HSD3B1: variants seen among roughly 807,000 people sequenced by gnomAD.
HSD3B1 encodes the protein hydroxy-delta-5-steroid dehydrogenase, 3 beta- and steroid delta-isomerase 1.
A neutral mutation model predicts 10.4 loss-of-function variants in HSD3B1; 11 were observed. The observed-to-expected ratio is 1.05, with a 90% CI of 0.66 to 1.75. HSD3B1 has a LOEUF of 1.75. Ranked by LOEUF, HSD3B1 falls within the 40% of genes most tolerant of loss-of-function variation. The pLI is 0.00. For missense variants in HSD3B1, 490 were observed against 454.5 expected (o/e 1.08, Z -0.71); for synonymous variants, 217 against 185.4 (o/e 1.17, Z -1.39).
chr1:119,511,677 G>A lies in HSD3B1; in HGVS notation c.310+10G>A. On this transcript the variant is annotated intron_variant, in intron 3 of 3. Coordinates refer to ENST00000369413, the MANE Select transcript of HSD3B1 (RefSeq NM_000862.3). ...AATGTCAATGTGAAAGGTATGGTAG[G>A]CTGGGGAGGAGATGCAGCAAGGTGG... 6.2e-7 allele frequency: 1 copy of A among 1,604,680 alleles called. No individual in the cohort carries two copies. Among genetic ancestry groups the A allele is most frequent in the Non-Finnish European group, 8.5e-7 (1 of 1,176,616 alleles).
chr1:119,512,852 A>C (rs1244627248), intron 3 of HSD3B1, among the ~76,000 whole-genome samples: 1 of 152,224 alleles, frequency 6.6e-6, no homozygotes, highest in Non-Finnish European at 1.5e-5. Context: ...ATTTTTGAAC[A>C]CATGAGGCTG....
In HSD3B1 at chr1:119,511,659, A is replaced by G. The variant is rs1384651318; in HGVS notation, c.302A>G (p.Asn101Ser). The G allele has an allele frequency of 1.4e-5, 22 of 1,613,616 alleles. No individual in the cohort carries two copies. The highest frequency in any genetic ancestry group is 5.5e-5 in the South Asian group (5 of 91,056). ...VTHRESIMNV[N>S]VKGTQLLLEA... Reference sequence around the variant, plus strand: ...CACAGAGAGTCTATCATGAATGTCAATGTGAAAGGTATGGTAGGCTGGGGA... The same window carrying G: ...CACAGAGAGTCTATCATGAATGTCAGTGTGAAAGGTATGGTAGGCTGGGGA... Residue 101 changes from asparagine (N) to serine (S), a missense_variant, in exon 3 of 4, where the codon AAT becomes AGT. Transcript: ENST00000369413.
At position 119,507,224 on chromosome 1, in the gene HSD3B1, G is replaced by A. The variant is rs1444223927; in HGVS notation, c.-124G>A. Reference sequence around the variant, plus strand: ...CCACAGGAAATGAGGTGAGAAGTACGTCCACTCTTCTGTCCAGCTTTTAAC... The same window carrying A: ...CCACAGGAAATGAGGTGAGAAGTACATCCACTCTTCTGTCCAGCTTTTAAC... On this transcript the variant is annotated 5_prime_UTR_variant, in exon 1 of 4. Transcript: ENST00000369413. The A allele has an allele frequency of 2.4e-5, 11 of 461,090 alleles. No individual in the cohort carries two copies. The highest frequency in any genetic ancestry group is 4.3e-5 in the East Asian group (1 of 23,388). The allele number at this position is 461,090 out of a possible 1,614,324, so 28.6% of individuals were successfully genotyped here.
At chr1:119,508,453 G>A (rs1653850154) in intron 2 of HSD3B1, among the ~76,000 whole-genome samples, 1 of 151,906 alleles carries the variant, frequency 6.6e-6, no homozygotes. Context: ...GCAACTCCTT[G>A]TACAAATGGC....
intron 3 of HSD3B1, 188 bp downstream of exon 3, chr1:119,511,855 G>A (rs1411792892): frequency 1.0e-5 from 6 of 595,912 alleles, no homozygotes; most frequent in Non-Finnish European, 1.8e-5. Context: ...AACTAGGACT[G>A]AGAGAGGGCA....
At chr1:119,512,581 G>C (rs199847325) in intron 3 of HSD3B1, among the ~76,000 whole-genome samples, 1 of 146,598 alleles carries the variant, frequency 6.8e-6, no homozygotes, top group Non-Finnish European at 1.5e-5. Flanking sequence ...CACCATAAAA[G>C]AAAAAAAAAA....
chr1:119,507,603 T>A lies in HSD3B1; in HGVS notation c.127T>A (p.Leu43Met). The A allele has an allele frequency of 6.2e-7, 1 of 1,613,858 alleles. No individual in the cohort carries two copies. Among genetic ancestry groups the A allele is most frequent in the Non-Finnish European group, 8.5e-7 (1 of 1,179,868 alleles). The change falls in exon 2 of 4, where the codon TTG (leucine) becomes ATG (methionine). Residue 43 changes from leucine (L) to methionine (M), a missense_variant. Physicochemically the swap from Leu to Met is conservative, Grantham distance 15. Coordinates refer to ENST00000369413, the MANE Select transcript of HSD3B1 (RefSeq NM_000862.3). ...RVLDKAFGPE[L>M]REEFSKLQNK... ...CTTGGACAAGGCCTTCGGACCAGAA[T>A]TGAGAGAGGAATTTTCTAGTAAGTA... is the stretch of plus-strand genomic sequence containing the variant.
rs1653936866 is a variant in HSD3B1, at chr1:119,511,541, G to C, written c.184G>C (p.Asp62His). 1 of 1,613,804 alleles carries C rather than the reference G, an allele frequency of 6.2e-7. No homozygotes were observed. Among genetic ancestry groups the C allele is most frequent in the Non-Finnish European group, 8.5e-7 (1 of 1,179,802 alleles). Residue 62 changes from aspartate to histidine, a missense_variant, in exon 3 of 4, where the codon GAC becomes CAC. Coordinates refer to ENST00000369413, the MANE Select transcript of HSD3B1 (RefSeq NM_000862.3). ...NKTKLTVLEG[D>H]ILDEPFLKRA... ...GACCAAGCTGACAGTGCTGGAAGGAGACATTCTGGATGAGCCATTCCTGAA... is the reference window on the plus strand; with the variant it reads ...GACCAAGCTGACAGTGCTGGAAGGACACATTCTGGATGAGCCATTCCTGAA...
Position 119,514,659 on chromosome 1 carries a change from G to T in HSD3B1, c.*14G>T, listed in dbSNP as rs749891286. On this transcript the variant is annotated 3_prime_UTR_variant, in exon 4 of 4. Transcript: ENST00000369413. ...AAGACTCAGTGATTTAAGGATGACA[G>T]AGATGTGCATGTGGGTATTGTTAGG... The T allele has an allele frequency of 6.2e-7, 1 of 1,612,676 alleles. No homozygotes were observed. The highest frequency in any genetic ancestry group is 8.5e-7 in the Non-Finnish European group (1 of 1,179,330).
chr1:119,514,371 G>A lies in HSD3B1; in HGVS notation c.848G>A (p.Arg283Lys), dbSNP rs896398008. 1.9e-6 allele frequency: 3 copies of A among 1,614,054 alleles called. No individual in the cohort carries two copies. In the African/African-American group the frequency reaches 4.0e-5, roughly 22 times the overall value. Residue 283 changes from arginine (R) to lysine (K), a missense_variant, in exon 4 of 4, where the codon AGA (arginine) becomes AAA (lysine). Coordinates refer to ENST00000369413, the MANE Select transcript of HSD3B1 (RefSeq NM_000862.3). ...GAGTTCGGCCTCCGCCTTGATTCCA[G>A]ATGGAGCTTTCCTTTATCCCTGATG... ...SKEFGLRLDSRWSFPLSLMYW... is the reference protein window; with the variant it reads ...SKEFGLRLDSKWSFPLSLMYW...
In HSD3B1 at chr1:119,510,676, C is replaced by A. The variant is rs140249522; in HGVS notation, c.146-827C>A. Among the ~76,000 whole-genome samples, 126 of 143,232 alleles carry A rather than the reference C, an allele frequency of 8.8e-4. 1 individual carries two copies. The highest frequency in any genetic ancestry group is 7.4e-3 in the Middle Eastern group (2 of 272). 94.0% of individuals were successfully genotyped at this position (143,232 alleles called of 152,430 possible). A position where few individuals can be genotyped will look rare whatever the true frequency, so the allele number is the denominator to read the frequency against. ...CAAGATTAACTTCCTACACCACAACCCTGCTTTTGTTCCTTTTTTTGTTGT... is the reference window on the plus strand; with the variant it reads ...CAAGATTAACTTCCTACACCACAACACTGCTTTTGTTCCTTTTTTTGTTGT... On this transcript the variant is annotated intron_variant, in intron 2 of 3. Transcript: ENST00000369413.
Position 119,511,640 on chromosome 1 carries a change from G to A in HSD3B1, c.283G>A (p.Glu95Lys), listed in dbSNP as rs149581686. The change falls in exon 3 of 4, where the codon GAG (glutamate) becomes AAG (lysine). Residue 95 changes from glutamate to lysine, a missense_variant. By Grantham distance (56) the Glu-to-Lys change is moderately conservative. Coordinates refer to ENST00000369413, the MANE Select transcript of HSD3B1 (RefSeq NM_000862.3). The stretch of plus-strand genomic sequence containing the variant: ...TGATGTCTTCGGTGTCACTCACAGA[G>A]AGTCTATCATGAATGTCAATGTGAA... ...IIDVFGVTHR[E>K]SIMNVNVKGT... 2.4e-5 allele frequency: 38 copies of A among 1,613,666 alleles called. No individual in the cohort carries two copies. The highest frequency in any genetic ancestry group is 3.1e-5 in the Non-Finnish European group (36 of 1,179,748).
In HSD3B1 at chr1:119,514,612, G is replaced by T. The variant is rs769655545; in HGVS notation, c.1089G>T (p.Arg363=). ...AGTGGGTTGGTTCCCTTGTGGACCG[G>T]CACAAGGAGACCCTGAAGTCCAAGA... ...TVEWVGSLVD[R]HKETLKSKTQ is the part of the protein sequence containing the mutation. The change falls in exon 4 of 4, where the codon CGG becomes CGT. Residue 363 remains arginine, a synonymous_variant. Transcript: ENST00000369413. The T allele has an allele frequency of 1.2e-6, 2 of 1,613,836 alleles. No homozygotes were observed. Among genetic ancestry groups the T allele is most frequent in the Middle Eastern group, 1.7e-4 (1 of 6,056 alleles).
At chr1:119,508,729 C>T (rs1653858090) in intron 2 of HSD3B1, among the ~76,000 whole-genome samples, 1 of 152,232 alleles carries the variant, frequency 6.6e-6, no homozygotes, top group South Asian at 2.1e-4. Context: ...TGTGTGTCTA[C>T]ATGTGGGCTC....
chr1:119,508,447 C>T (rs989883289), intron 2 of HSD3B1, among the ~76,000 whole-genome samples: 1 of 151,916 alleles, frequency 6.6e-6, no homozygotes, highest in Non-Finnish European at 1.5e-5. Flanking sequence ...TCTGTGGCAA[C>T]TCCTTGTACA....
In HSD3B1 at chr1:119,513,632, A is replaced by G. The variant is rs72999135; in HGVS notation, c.311-202A>G. ...TAGAAATTCTTACTCTCCAGAACCC[A>G]CATGTCAGTTTCTCTTCATTTTGGT... On this transcript the variant is annotated intron_variant, in intron 3 of 3. Coordinates refer to ENST00000369413, the MANE Select transcript of HSD3B1 (RefSeq NM_000862.3). 7.3e-3 allele frequency among the ~76,000 whole-genome samples: 1,105 copies of G among 152,242 alleles called. 10 individuals are homozygous for G. Among genetic ancestry groups the G allele is most frequent in the African/African-American group, 0.025 (1,051 of 41,530 alleles).
intron 2 of HSD3B1, 113 bp from the exon 3 acceptor site, chr1:119,511,390 C>T: frequency 6.0e-6 from 6 of 1,005,006 alleles, no homozygotes; most frequent in South Asian, 2.7e-5. Flanking sequence ...ACACCCTCCA[C>T]TCTAACACCC....
At chr1:119,513,308 G>T (rs56850733) in intron 3 of HSD3B1, among the ~76,000 whole-genome samples, 6,337 of 152,182 alleles carry the variant, frequency 0.042, 438 homozygotes, top group African/African-American at 0.14. Flanking sequence ...CCAGCAAAAT[G>T]AGAAAAGTAC....
chr1:119,511,456 A>C, intron 2 of HSD3B1, 47 bp from the exon 3 acceptor site: 2 of 1,601,734 alleles, frequency 1.2e-6, no homozygotes, highest in Non-Finnish European at 1.7e-6. Context: ...AAAACTTCTC[A>C]GCCAGATACA....
Sources: gnomAD v4.1 joint callset for allele counts (sites outside exome capture counted in the v4.1 genomes callset) on GRCh38, gnomAD v4.1.1 for gene constraint, MANE v1.5 for transcripts, NCBI Gene and HGNC (gene_info 2026-07-23, HGNC 2026-07-21) for gene names.